The following MAF variants were observed in gnomAD, a reference collection of about 807,000 sequenced individuals.
The protein encoded by MAF is transcription factor Maf.
A neutral mutation model predicts 22.0 loss-of-function variants in MAF; 10 were observed. The observed-to-expected ratio is 0.45, with a 90% CI of 0.28 to 0.77. The LOEUF is 0.77. Among genes scored for constraint, MAF ranks in the 30% least tolerant of loss-of-function variants. The pLI, the probability that MAF is intolerant of heterozygous loss-of-function variation, is 0.12. For missense variants in MAF, 544 were observed against 548.4 expected (o/e 0.99, Z 0.08); for synonymous variants, 337 against 255.8 (o/e 1.32, Z -3.03).
At chr16:79,309,368 C>T in the MAF span, among the ~76,000 whole-genome samples, 1 of 152,230 alleles carries the variant, frequency 6.6e-6, no homozygotes, top group African/African-American at 2.4e-5. Flanking sequence ...GCAGTTCTCT[C>T]TGGCCTCCCC....
At chr16:79,353,457 T>G in the MAF span, among the ~76,000 whole-genome samples, 1 of 152,134 alleles carries the variant, frequency 6.6e-6, no homozygotes, top group Non-Finnish European at 1.5e-5. Flanking sequence ...CAAAGTTATT[T>G]TGAAGTTATG....
chr16:79,402,589 C>T, the MAF span, among the ~76,000 whole-genome samples: 19 of 152,312 alleles, frequency 1.2e-4, no homozygotes, highest in Admixed American at 9.8e-4. Flanking sequence ...GGCGTGCAGG[C>T]TGAGGCCAGA....
chr16:79,593,099 A>T (rs1288890215), downstream of MAF, among the ~76,000 whole-genome samples: 2 of 152,202 alleles, frequency 1.3e-5, no homozygotes, highest in Non-Finnish European at 2.9e-5. Flanking sequence ...CAAACAAACA[A>T]AAAACAAAAA....
At chr16:79,211,757 G>C in the MAF span, 12 of 1,614,088 alleles carry the variant, frequency 7.4e-6, no homozygotes, top group African/African-American at 5.3e-5. Context: ...CGCTCAGCGA[G>C]AGGCTGATCC....
chr16:79,506,163 C>G, the MAF span, among the ~76,000 whole-genome samples: 2 of 152,118 alleles, frequency 1.3e-5, no homozygotes, highest in African/African-American at 4.8e-5. Context: ...TAATGATAGT[C>G]TAAAAATGTA....
chr16:79,258,683 C>G, the MAF span, among the ~76,000 whole-genome samples: 1 of 152,186 alleles, frequency 6.6e-6, no homozygotes, highest in Non-Finnish European at 1.5e-5. Context: ...GGATCAGGCT[C>G]AGCAGAGCTG....
chr16:79,377,147 A>G, the MAF span, among the ~76,000 whole-genome samples: 112 of 152,328 alleles, frequency 7.4e-4, no homozygotes, highest in African/African-American at 2.6e-3. Flanking sequence ...CCAACGGTGT[A>G]AAAGTGTTCC....
the MAF span, among the ~76,000 whole-genome samples, chr16:79,403,754 G>T: frequency 6.6e-6 from 1 of 152,124 alleles, no homozygotes; most frequent in Non-Finnish European, 1.5e-5. Flanking sequence ...AAAAACATAC[G>T]ATCTATATTT....
chr16:79,408,196 A>G, the MAF span, among the ~76,000 whole-genome samples: 24 of 148,456 alleles, frequency 1.6e-4, no homozygotes, highest in Non-Finnish European at 3.6e-4. Context: ...TCTTTGTTTG[A>G]GATGGACTCT....
At chr16:79,202,669 GA>G in the MAF span, 1 of 152,126 alleles carries the variant, frequency 6.6e-6, no homozygotes, top group African/African-American at 2.4e-5. Context: ...GAGTTTGAGA[GA>G]GTTTTTTCCC....
the MAF span, among the ~76,000 whole-genome samples, chr16:79,311,875 CA>C: frequency 4.3e-3 from 657 of 152,214 alleles, 3 homozygotes; most frequent in African/African-American, 0.015. Context: ...AAAATGGGCA[CA>C]CGGACCTCAG....
chr16:79,572,674 C>T, the MAF span, among the ~76,000 whole-genome samples: 1 of 152,154 alleles, frequency 6.6e-6, no homozygotes, highest in Non-Finnish European at 1.5e-5. Flanking sequence ...TCTTGAGTTT[C>T]AGCCTCCTGT....
chr16:79,484,987 C>G, the MAF span, among the ~76,000 whole-genome samples: 12 of 152,318 alleles, frequency 7.9e-5, no homozygotes, highest in African/African-American at 2.9e-4. Flanking sequence ...GTAAGCTGCT[C>G]AACTTTCCTG....
the MAF span, among the ~76,000 whole-genome samples, chr16:79,496,209 T>C: frequency 1.3e-5 from 2 of 152,110 alleles, no homozygotes; most frequent in African/African-American, 4.8e-5. Context: ...CAGATGGAAA[T>C]AAGTCTTAAC....
At chr16:79,537,004 G>A in the MAF span, among the ~76,000 whole-genome samples, 1 of 152,172 alleles carries the variant, frequency 6.6e-6, no homozygotes, top group Non-Finnish European at 1.5e-5. Context: ...CATAGGCTTA[G>A]ACACATGCAT....
At chr16:79,387,645 C>T in the MAF span, among the ~76,000 whole-genome samples, 3 of 152,068 alleles carry the variant, frequency 2.0e-5, no homozygotes. Context: ...ATGAACTGTA[C>T]CTGCCTAGAC....
the MAF span, among the ~76,000 whole-genome samples, chr16:79,478,232 C>A: frequency 6.6e-6 from 1 of 152,338 alleles, no homozygotes; most frequent in African/African-American, 2.4e-5. Context: ...TCACAGTTAG[C>A]CTTGAGCGAG....
the MAF span, among the ~76,000 whole-genome samples, chr16:79,556,445 T>C: frequency 0.5 from 76,494 of 152,018 alleles, 20,138 homozygotes; most frequent in Non-Finnish European, 0.59. Context: ...TTTCTGCTTT[T>C]CACGGTCCCT....
the MAF span, among the ~76,000 whole-genome samples, chr16:79,363,565 G>T: frequency 6.6e-6 from 1 of 152,300 alleles, no homozygotes; most frequent in East Asian, 1.9e-4. Flanking sequence ...GGTTTCTACT[G>T]AATGTGTATT....
Sources: gnomAD v4.1 joint callset for allele counts (sites outside exome capture counted in the v4.1 genomes callset) on GRCh38, gnomAD v4.1.1 for gene constraint, MANE v1.5 for transcripts, NCBI Gene and HGNC (gene_info 2026-07-23, HGNC 2026-07-21) for gene names.